The following CCDC102B variants were observed in gnomAD, a reference collection of about 807,000 sequenced individuals.
CCDC102B encodes coiled-coil domain-containing protein 102B.
A neutral mutation model predicts 57.4 loss-of-function variants in CCDC102B; 75 were observed. That is an observed-to-expected ratio of 1.31 (90% CI 1.08 to 1.58). The LOEUF is 1.58. Among genes scored for constraint, CCDC102B ranks in the 40% most tolerant of loss-of-function variants. The pLI is 0.00. For missense variants in CCDC102B, 636 were observed against 582.6 expected, an observed-to-expected ratio of 1.09 and a Z score of -0.94; for synonymous variants, 206 against 201.9, an observed-to-expected ratio of 1.02 and a Z score of -0.17.
At chr18:68,870,846 G>A (rs1212466745) in intron 4 of CCDC102B, among the ~76,000 whole-genome samples, 2 of 152,046 alleles carry the variant, frequency 1.3e-5, no homozygotes, top group Non-Finnish European at 2.9e-5. Context: ...TCATTTTGAA[G>A]GTTAAAATGT....
chr18:68,933,095 CATA>C (rs2041731643), intron 6 of CCDC102B, among the ~76,000 whole-genome samples: 2 of 118,178 alleles, frequency 1.7e-5, no homozygotes, highest in Non-Finnish European at 3.6e-5. Flanking sequence ...ATTTACTCCT[CATA>C]AAAAAAAAAA....
chr18:68,922,293 A>C (rs2041309609), intron 6 of CCDC102B, among the ~76,000 whole-genome samples: 1 of 152,142 alleles, frequency 6.6e-6, no homozygotes, highest in Admixed American at 6.6e-5. Flanking sequence ...GTTAATTGCA[A>C]CTCATACAAG....
At chr18:69,042,177 G>A (rs902414581) in intron 7 of CCDC102B, among the ~76,000 whole-genome samples, 1 of 151,942 alleles carries the variant, frequency 6.6e-6, no homozygotes, top group African/African-American at 2.4e-5. Flanking sequence ...CAAAAATCAC[G>A]TAATAAGGAA....
intron 6 of CCDC102B, among the ~76,000 whole-genome samples, chr18:68,995,726 A>T (rs2051007391): frequency 6.6e-6 from 1 of 152,190 alleles, no homozygotes; most frequent in African/African-American, 2.4e-5. Flanking sequence ...GCAGTGCAGA[A>T]GAAAAATGTG....
intron 2 of CCDC102B, among the ~76,000 whole-genome samples, chr18:68,772,786 C>A (rs182732502): frequency 6.6e-6 from 1 of 152,150 alleles, no homozygotes; most frequent in East Asian, 1.9e-4. Flanking sequence ...TCTAAACAGA[C>A]TAATTAAAAG....
chr18:68,810,671 C>CTTTGTTTGTTTTTTTTTTTTTTTTTTTT (rs1568263108), intron 1 of CCDC102B, among the ~76,000 whole-genome samples: 1 of 70,062 alleles, frequency 1.4e-5, no homozygotes, highest in African/African-American at 4.6e-5. Flanking sequence ...ATTTTCTTTT[C>CTTTGTTTGTTTTTTTTTTTTTTTTTTTT]TTTTCTTTGT....
At chr18:69,024,984 G>C (rs903266387) in intron 7 of CCDC102B, among the ~76,000 whole-genome samples, 4 of 151,976 alleles carry the variant, frequency 2.6e-5, no homozygotes, top group African/African-American at 9.7e-5. Flanking sequence ...AAATAGTCAT[G>C]GAAAAGGTGA....
rs771412166 is a variant in CCDC102B at position 68,884,755 on chromosome 18, TTATA to T, written c.1053+9974_1053+9977del. On this transcript the variant is annotated intron_variant, in intron 5 of 7. Coordinates refer to ENST00000360242, the MANE Select transcript of CCDC102B (RefSeq NM_024781.3). ...TTCATTATAATATATTTATATATAT[TTATA>T]TATGTATAATGAATCAGTCTGGAGA... 1.5e-3 allele frequency among the ~76,000 whole-genome samples: 219 copies of T among 148,816 alleles called. 1 individual carries two copies. Among genetic ancestry groups the T allele is most frequent in the Non-Finnish European group, 2.4e-3 (161 of 67,352 alleles).
At chr18:69,005,276 T>C (rs2051311684) in intron 6 of CCDC102B, among the ~76,000 whole-genome samples, 1 of 152,166 alleles carries the variant, frequency 6.6e-6, no homozygotes, top group South Asian at 2.1e-4. Flanking sequence ...CAAAAGACCA[T>C]GAGCAAGTTA....
rs763059841 is a variant in CCDC102B at position 68,897,432 on chromosome 18, T to C, written c.1263+4T>C. 24 of 1,610,246 alleles carry C rather than the reference T, an allele frequency of 1.5e-5. No individual in the cohort carries two copies. The highest frequency in any genetic ancestry group is 7.7e-5 in the South Asian group (7 of 90,830). On this transcript the variant is annotated splice_donor_region_variant and intron_variant, in intron 6 of 7. Coordinates refer to ENST00000360242, the MANE Select transcript of CCDC102B (RefSeq NM_024781.3). ...TGATCTGCAAGAAAAAAACCAGGTA[T>C]GGGTGCTCCTTGGAGCAAATTCTCA...
chr18:68,731,483 G>C (rs928601505), intron 2 of CCDC102B, among the ~76,000 whole-genome samples: 2 of 151,702 alleles, frequency 1.3e-5, no homozygotes, highest in Non-Finnish European at 2.9e-5. Flanking sequence ...AAATACCCTG[G>C]CTTCTTTTCA....
intron 7 of CCDC102B, among the ~76,000 whole-genome samples, chr18:69,012,107 T>C (rs1415778671): frequency 1.3e-5 from 2 of 152,154 alleles, no homozygotes; most frequent in African/African-American, 4.8e-5. Context: ...TTTATGAAGA[T>C]ATATATGTAC....
At chr18:68,729,911 G>A (rs974029220) in intron 2 of CCDC102B, among the ~76,000 whole-genome samples, 4 of 152,138 alleles carry the variant, frequency 2.6e-5, no homozygotes, top group South Asian at 2.1e-4. Flanking sequence ...AAAATACAAA[G>A]CACCTAACAG....
intron 6 of CCDC102B, among the ~76,000 whole-genome samples, chr18:68,995,445 G>A (rs2050998034): frequency 6.6e-6 from 1 of 152,136 alleles, no homozygotes; most frequent in Non-Finnish European, 1.5e-5. Context: ...CAAGCCCAGA[G>A]GCTTGTTGCT....
chr18:68,866,767 CT>C, intron 4 of CCDC102B: 6 of 658,466 alleles, frequency 9.1e-6, no homozygotes, highest in Admixed American at 1.8e-5. Flanking sequence ...ACGGGTCTGT[CT>C]TTTTGGTATG....
chr18:68,728,092 A>G lies in CCDC102B; in HGVS notation c.-67+11498A>G, dbSNP rs552702644. Among the ~76,000 whole-genome samples the G allele has an allele frequency of 4.6e-5, 7 of 152,326 alleles. No homozygotes were observed. The South Asian group carries it at 1.2e-3, about 27-fold the overall frequency. On this transcript the variant is annotated intron_variant, in intron 2 of 3. Coordinates refer to the CCDC102B transcript ENST00000578970. ...TAGTTCAATCTCTTGAAGTGGCAAT[A>G]TGGGTCTATGAAATGAGTGGACATT...
At position 68,758,025 on chromosome 18, in the gene CCDC102B, G is replaced by A. The variant is rs479017; in HGVS notation, c.-67+41431G>A. On this transcript the variant is annotated intron_variant, in intron 2 of 3. Transcript: ENST00000578970. Reference sequence around the variant, plus strand: ...CCTTTTCACCTCTTCTTGGCTTTATGGTGGTGTCTTAATTTATGAATATAT... The same window carrying A: ...CCTTTTCACCTCTTCTTGGCTTTATAGTGGTGTCTTAATTTATGAATATAT... 5.9e-3 allele frequency among the ~76,000 whole-genome samples: 891 copies of A among 152,026 alleles called. 7 individuals carry two copies. Among genetic ancestry groups the A allele is most frequent in the East Asian group, 0.043 (224 of 5,166 alleles).
intron 7 of CCDC102B, among the ~76,000 whole-genome samples, chr18:69,020,646 T>C (rs1270585098): frequency 6.6e-6 from 1 of 152,158 alleles, no homozygotes; most frequent in Non-Finnish European, 1.5e-5. Flanking sequence ...ACCACAATTA[T>C]TTTTGCACCA....
chr18:68,756,924 C>T (rs976498219), intron 2 of CCDC102B, among the ~76,000 whole-genome samples: 3 of 151,288 alleles, frequency 2.0e-5, no homozygotes, highest in Non-Finnish European at 3.0e-5. Flanking sequence ...TGTGTGTGTG[C>T]ATGTCTATGC....
Sources: gnomAD v4.1 joint callset for allele counts (sites outside exome capture counted in the v4.1 genomes callset) on GRCh38, gnomAD v4.1.1 for gene constraint, MANE v1.5 for transcripts, NCBI Gene and HGNC (gene_info 2026-07-23, HGNC 2026-07-21) for gene names.